Variants in TGM3 observed in about 807,000 individuals in gnomAD.
TGM3 encodes the protein protein-glutamine gamma-glutamyltransferase E.
A neutral mutation model predicts 73.8 loss-of-function variants in TGM3; 52 were observed. The observed-to-expected ratio is 0.70, with a 90% confidence interval of 0.56 to 0.89. The LOEUF (loss-of-function observed/expected upper bound fraction) is 0.89. TGM3 is among the 40% of genes least tolerant of loss of function. The pLI, the probability that TGM3 is intolerant of heterozygous loss-of-function variation, is 0.00. For missense variants in TGM3, 928 were observed against 909.9 expected (o/e 1.02, Z -0.26); for synonymous variants, 372 against 354.9 (o/e 1.05, Z -0.54).
rs1370609615 is a variant in TGM3, at chr20:2,334,281, G to A, written c.1643-835G>A. On this transcript the variant is annotated intron_variant, in intron 10 of 12. Coordinates refer to ENST00000381458, the MANE Select transcript of TGM3 (RefSeq NM_003245.4). The surrounding 1 kb of genome is among the most constrained non-coding windows in gnomAD (Gnocchi z 4.0). ...GTGTGGAAGGTTCTTTTAAGGGACAGGTGATGCAGGGCCAGGTTGAGGGGT... is the reference window on the plus strand; with the variant it reads ...GTGTGGAAGGTTCTTTTAAGGGACAAGTGATGCAGGGCCAGGTTGAGGGGT... Among the ~76,000 whole-genome samples, 1 of 152,240 alleles carries A rather than the reference G, an allele frequency of 6.6e-6. No homozygotes were observed. The highest frequency in any genetic ancestry group is 1.5e-5 in the Non-Finnish European group (1 of 68,040).
chr20:2,311,173 C>T (rs1337728859), intron 4 of TGM3, 44 bp downstream of exon 4: 10 of 1,514,980 alleles, frequency 6.6e-6, no homozygotes, highest in Non-Finnish European at 7.3e-6. Flanking sequence ...CCCTGTTACC[C>T]AAGAAGCTCA....
At chr20:2,335,084 C>T (rs767842254) in intron 10 of TGM3, 32 bp from the exon 11 acceptor site, 1 of 1,613,120 alleles carries the variant, frequency 6.2e-7, no homozygotes, top group Non-Finnish European at 8.5e-7. Flanking sequence ...CCCCACTCCC[C>T]CTCACTCGGA....
In TGM3 at chr20:2,321,281, GA is replaced by G. The variant is rs538230879; in HGVS notation, c.983+3798del. Among the ~76,000 whole-genome samples the G allele has an allele frequency of 1.4e-3, 214 of 152,338 alleles. 1 individual carries two copies. Among genetic ancestry groups the G allele is most frequent in the African/African-American group, 4.9e-3 (202 of 41,580 alleles). On this transcript the variant is annotated intron_variant, in intron 7 of 12. Transcript: ENST00000381458. The stretch of plus-strand genomic sequence containing the variant: ...GTTTTATAACTAGGCCTTAGAGACT[GA>G]ATAGACGAGTTTACAGCTGCATTAA...
rs1354434607 is a variant in TGM3 at position 2,338,975 on chromosome 20, A to G, written c.1801-879A>G. 2.6e-5 allele frequency among the ~76,000 whole-genome samples: 4 copies of G among 152,372 alleles called. No individual in the cohort carries two copies. The East Asian group carries it at 7.7e-4, about 29-fold the overall frequency. On this transcript the variant is annotated intron_variant, in intron 11 of 12. Transcript: ENST00000381458. The stretch of plus-strand genomic sequence containing the variant: ...ACAGCTTTCATCTTTTGGTCTGAAT[A>G]AATAGTCCAAATTGCTTTTCTGACC...
At chr20:2,322,851 AGTAATT>A in intron 7 of TGM3, among the ~76,000 whole-genome samples, 1 of 152,380 alleles carries the variant, frequency 6.6e-6, no homozygotes, top group East Asian at 1.9e-4. Context: ...AGAAGTAATG[AGTAATT>A]GACATGATAG....
At chr20:2,298,675 A>G (rs987220395) in intron 1 of TGM3, among the ~76,000 whole-genome samples, 14 of 152,152 alleles carry the variant, frequency 9.2e-5, no homozygotes, top group African/African-American at 2.7e-4. Context: ...CTGGGACACC[A>G]GTCGCCCCTC....
intron 7 of TGM3, among the ~76,000 whole-genome samples, chr20:2,319,878 T>C (rs2084253995): frequency 1.3e-5 from 2 of 152,250 alleles, no homozygotes; most frequent in South Asian, 4.1e-4. Context: ...CGCAAGGCAA[T>C]TTATCCTCCT....
At chr20:2,330,623 T>G (rs1383445998) in intron 9 of TGM3, among the ~76,000 whole-genome samples, 1 of 152,214 alleles carries the variant, frequency 6.6e-6, no homozygotes, top group East Asian at 1.9e-4. Context: ...GGCCTTAACT[T>G]GATAGGCATG....
chr20:2,298,969 G>A (rs2084127196), intron 1 of TGM3, among the ~76,000 whole-genome samples: 1 of 152,076 alleles, frequency 6.6e-6, no homozygotes, highest in African/African-American at 2.4e-5. Context: ...CTTAGAGACA[G>A]CCCATGAGCA....
rs113604032 is a variant in TGM3, at chr20:2,310,703, C to T, written c.421+286C>T. 4.3e-3 allele frequency among the ~76,000 whole-genome samples: 650 copies of T among 152,342 alleles called. 7 individuals are homozygous for T. Among genetic ancestry groups the T allele is most frequent in the African/African-American group, 0.015 (609 of 41,578 alleles). Reference sequence around the variant, plus strand: ...CATTGAGCTTTTACAAACTGCATAGCATGGTTCATTTTAAGGGACAATACC... The same window carrying T: ...CATTGAGCTTTTACAAACTGCATAGTATGGTTCATTTTAAGGGACAATACC... On this transcript the variant is annotated intron_variant, in intron 3 of 12. Coordinates refer to ENST00000381458, the MANE Select transcript of TGM3 (RefSeq NM_003245.4).
chr20:2,328,493 T>C lies in TGM3; in HGVS notation c.1333+128T>C. The C allele has an allele frequency of 7.6e-7, 1 of 1,316,140 alleles. No homozygotes were observed. Among genetic ancestry groups the C allele is most frequent in the Non-Finnish European group, 1.0e-6 (1 of 961,336 alleles). The allele number at this position is 1,316,140 out of a possible 1,614,324, so 81.5% of individuals were successfully genotyped here. On this transcript the variant is annotated intron_variant, in intron 9 of 12. Transcript: ENST00000381458. The surrounding 1 kb of genome is among the most constrained non-coding windows in gnomAD (Gnocchi z 5.2). ...GCCAGTTCTGCCTGAATGATAGGAT[T>C]GCTCCCTAGCACCTAACATCCACCT...
intron 3 of TGM3, among the ~76,000 whole-genome samples, chr20:2,310,730 C>T (rs1461747475): frequency 6.6e-6 from 1 of 152,240 alleles, no homozygotes; most frequent in Non-Finnish European, 1.5e-5. Flanking sequence ...GACAATACCA[C>T]AGTATAATTC....
intron 7 of TGM3, among the ~76,000 whole-genome samples, chr20:2,324,442 A>C (rs898913744): frequency 1.3e-5 from 2 of 152,198 alleles, no homozygotes; most frequent in Non-Finnish European, 2.9e-5. Flanking sequence ...ATTTTGGCTC[A>C]TACCCCAGAC....
At chr20:2,322,731 G>A (rs1389345086) in intron 7 of TGM3, among the ~76,000 whole-genome samples, 1 of 152,022 alleles carries the variant, frequency 6.6e-6, no homozygotes, top group Non-Finnish European at 1.5e-5. Context: ...TGTCTTTTAG[G>A]GTGTTGTAAG....
chr20:2,327,974 A>G (rs533288033), intron 8 of TGM3, 146 bp from the exon 9 acceptor site: 7 of 1,161,394 alleles, frequency 6.0e-6, no homozygotes, highest in South Asian at 2.9e-5. Flanking sequence ...CAGAATGCCA[A>G]ATGAGTGGGA....
chr20:2,328,010 G>A lies in TGM3; in HGVS notation c.1088-110G>A, dbSNP rs561502327. ...CACACAGTCAGGGGTGAAGGAATTT[G>A]GGCGGGGCAGAGGCAGGGGGTTGCA... On this transcript the variant is annotated intron_variant, in intron 8 of 12. Coordinates refer to ENST00000381458, the MANE Select transcript of TGM3 (RefSeq NM_003245.4). This position sits in a 1 kb window ranked among gnomAD's most constrained non-coding sequence, Gnocchi z 5.2. The A allele has an allele frequency of 1.5e-4, 217 of 1,487,152 alleles. No individual in the cohort carries two copies. Among genetic ancestry groups the A allele is most frequent in the Non-Finnish European group, 1.8e-4 (198 of 1,087,672 alleles). 92.1% of individuals were successfully genotyped at this position (1,487,152 alleles called of 1,614,324 possible). A position where few individuals can be genotyped will look rare whatever the true frequency, so the allele number is the denominator to read the frequency against.
intron 1 of TGM3, among the ~76,000 whole-genome samples, chr20:2,307,356 C>G (rs560565868): frequency 6.6e-6 from 1 of 152,182 alleles, no homozygotes; most frequent in South Asian, 2.1e-4. Flanking sequence ...CCCCAACCCC[C>G]ACTCTCTCCT....
intron 1 of TGM3, among the ~76,000 whole-genome samples, chr20:2,306,382 A>T (rs976648156): frequency 1.3e-5 from 2 of 151,948 alleles, no homozygotes; most frequent in Admixed American, 1.3e-4. Flanking sequence ...CTCTGAAACC[A>T]CATGTTCCAT....
chr20:2,317,529 A>C (rs747503416), intron 7 of TGM3, 44 bp downstream of exon 7: 1 of 1,610,232 alleles, frequency 6.2e-7, no homozygotes, highest in Non-Finnish European at 8.5e-7. Flanking sequence ...ACCACATTTG[A>C]GTGGCTTCTC....
Sources: allele counts gnomAD v4.1 joint callset (sites outside exome capture counted in the v4.1 genomes callset), GRCh38; gene constraint gnomAD v4.1.1; non-coding constraint Gnocchi (gnomAD v3.1); transcripts MANE v1.5; gene names NCBI Gene and HGNC (gene_info 2026-07-23, HGNC 2026-07-21).